Variants in GPC6 observed in about 807,000 individuals in gnomAD.
GPC6 encodes glypican 6.
A neutral mutation model predicts 55.2 loss-of-function variants in GPC6; 14 were observed. The ratio of observed to expected loss-of-function variants is 0.25; its 90% CI spans 0.17 to 0.40. The LOEUF (loss-of-function observed/expected upper bound fraction) is 0.40. Ranked by LOEUF, GPC6 falls within the 10% of genes least tolerant of loss-of-function variation. The pLI is 1.00. For missense variants in GPC6, 641 were observed against 708.5 expected (o/e 0.90, Z 1.08); for synonymous variants, 278 against 259.6 (o/e 1.07, Z -0.68).
At chr13:94,053,469 C>T (rs1884025451) in intron 4 of GPC6, among the ~76,000 whole-genome samples, 1 of 152,122 alleles carries the variant, frequency 6.6e-6, no homozygotes, top group Admixed American at 6.6e-5. Context: ...AAAATTTTTA[C>T]CTAATTCTTT....
intron 4 of GPC6, among the ~76,000 whole-genome samples, chr13:94,107,096 C>T (rs949283413): frequency 6.6e-6 from 1 of 152,086 alleles, no homozygotes; most frequent in Non-Finnish European, 1.5e-5. Context: ...TGAAAGGGTG[C>T]ACCGTGTTTT....
chr13:94,271,366 A>ACGCGCGCGCGCG (rs35593846), intron 4 of GPC6, among the ~76,000 whole-genome samples: 5 of 131,224 alleles, frequency 3.8e-5, no homozygotes, highest in South Asian at 2.5e-4. Flanking sequence ...ACACACACAC[A>ACGCGCGCGCGCG]CGCGCGCGCG....
chr13:93,292,116 T>C (rs906377731), intron 1 of GPC6, among the ~76,000 whole-genome samples: 10 of 152,206 alleles, frequency 6.6e-5, no homozygotes, highest in South Asian at 4.1e-4. Context: ...AAATTCATCA[T>C]TGATAAGCCA....
At chr13:93,829,381 C>G (rs1041363746) in intron 2 of GPC6, among the ~76,000 whole-genome samples, 74 of 152,202 alleles carry the variant, frequency 4.9e-4, no homozygotes, top group Non-Finnish European at 5.9e-5. Context: ...TATAAGGGAT[C>G]CCAGTAACAC....
chr13:94,273,525 T>C (rs971165344), intron 4 of GPC6, among the ~76,000 whole-genome samples: 2 of 152,180 alleles, frequency 1.3e-5, no homozygotes, highest in African/African-American at 4.8e-5. Context: ...AAATGCTTTG[T>C]CTCCATCACC....
At chr13:93,440,764 A>G (rs180679701) in intron 1 of GPC6, among the ~76,000 whole-genome samples, 349 of 152,164 alleles carry the variant, frequency 2.3e-3, no homozygotes, top group Admixed American at 4.0e-3. Flanking sequence ...TTACATATGT[A>G]TACATGTGCA....
chr13:94,126,923 T>A (rs1886839090), intron 4 of GPC6, among the ~76,000 whole-genome samples: 1 of 152,160 alleles, frequency 6.6e-6, no homozygotes, highest in Non-Finnish European at 1.5e-5. Context: ...TTTATAGAAA[T>A]GTTTTTGGTA....
At chr13:93,492,047 A>G (rs1035495495) in intron 1 of GPC6, among the ~76,000 whole-genome samples, 22 of 142,238 alleles carry the variant, frequency 1.5e-4, no homozygotes, top group Non-Finnish European at 2.3e-4. Flanking sequence ...GTTTTTTCCA[A>G]TTCTGTGAAG....
chr13:94,109,294 TC>T (rs972918690), intron 4 of GPC6, among the ~76,000 whole-genome samples: 2 of 152,166 alleles, frequency 1.3e-5, no homozygotes, highest in Non-Finnish European at 2.9e-5. Context: ...AAACCTCATT[TC>T]CCCAAGCATA....
intron 3 of GPC6, among the ~76,000 whole-genome samples, chr13:93,989,366 G>C (rs758009228): frequency 6.6e-5 from 10 of 152,108 alleles, no homozygotes; most frequent in Non-Finnish European, 1.2e-4. Context: ...GGTTTGTGTT[G>C]AGTAATTGTT....
At chr13:94,369,432 G>A (rs1879433285) in intron 6 of GPC6, among the ~76,000 whole-genome samples, 1 of 152,184 alleles carries the variant, frequency 6.6e-6, no homozygotes, top group South Asian at 2.1e-4. Flanking sequence ...AGTCAAATAT[G>A]TCTCATCAGA....
chr13:93,338,111 T>C (rs77506225), intron 1 of GPC6, among the ~76,000 whole-genome samples: 1,757 of 152,346 alleles, frequency 0.012, 21 homozygotes, highest in Admixed American at 0.022. Flanking sequence ...TTTGGATTCA[T>C]GTTTTCTTCT....
chr13:94,142,102 C>T (rs143750496), intron 4 of GPC6, among the ~76,000 whole-genome samples: 1 of 152,136 alleles, frequency 6.6e-6, no homozygotes, highest in East Asian at 1.9e-4. Flanking sequence ...GTTGCTGTTG[C>T]TCTTTTATGG....
intron 1 of GPC6, among the ~76,000 whole-genome samples, chr13:93,531,580 G>A (rs555898169): frequency 2.0e-5 from 3 of 152,224 alleles, no homozygotes; most frequent in South Asian, 4.1e-4. Context: ...TACCTCTACA[G>A]CAACACCTAC....
At chr13:93,682,869 G>A (rs3904301) in intron 2 of GPC6, among the ~76,000 whole-genome samples, 2 of 146,614 alleles carry the variant, frequency 1.4e-5, no homozygotes, top group Admixed American at 6.9e-5. Flanking sequence ...AAAGGGAAAA[G>A]TAGCCAGGTG....
At chr13:94,211,315 A>G (rs1387076722) in intron 4 of GPC6, among the ~76,000 whole-genome samples, 1 of 152,188 alleles carries the variant, frequency 6.6e-6, no homozygotes, top group African/African-American at 2.4e-5. Flanking sequence ...TAGGGTATTT[A>G]TTGGATACAA....
intron 3 of GPC6, among the ~76,000 whole-genome samples, chr13:93,931,575 C>T (rs1239007936): frequency 2.0e-5 from 3 of 151,792 alleles, no homozygotes; most frequent in East Asian, 3.9e-4. Context: ...ACCAGCCTGA[C>T]CAACATGGCG....
chr13:94,365,418 A>C (rs966083512), intron 6 of GPC6, among the ~76,000 whole-genome samples: 6 of 152,210 alleles, frequency 3.9e-5, no homozygotes, highest in Admixed American at 1.3e-4. Flanking sequence ...AAACCCAGGA[A>C]GAAAAAAGGC....
intron 1 of GPC6, among the ~76,000 whole-genome samples, chr13:93,347,795 G>A (rs1167102514): frequency 1.3e-5 from 2 of 152,172 alleles, no homozygotes; most frequent in African/African-American, 4.8e-5. Flanking sequence ...AGTAGTAAAT[G>A]CTCTGAGTGA....
Sources: gnomAD v4.1 joint callset for allele counts (sites outside exome capture counted in the v4.1 genomes callset) on GRCh38, gnomAD v4.1.1 for gene constraint, MANE v1.5 for transcripts, NCBI Gene and HGNC (gene_info 2026-07-23, HGNC 2026-07-21) for gene names.